The following PAM variants were observed in gnomAD, a reference collection of about 807,000 sequenced individuals.
The protein encoded by PAM is peptidylglycine alpha-amidating monooxygenase, also known as peptidyl-glycine alpha-amidating monooxygenase.
Under a neutral mutation model 122.1 loss-of-function variants are expected in PAM, and 72 were observed. The ratio of observed to expected loss-of-function variants is 0.59; its 90% CI spans 0.49 to 0.72. The LOEUF (loss-of-function observed/expected upper bound fraction) is 0.72, where lower values mean the gene tolerates loss of function less well. Ranked by LOEUF, PAM falls within the 30% of genes least tolerant of loss-of-function variation. PAM has a pLI of 0.00. For missense variants in PAM, 1,106 were observed against 1,183.7 expected (o/e 0.93, Z 0.96); for synonymous variants, 389 against 404.4 (o/e 0.96, Z 0.46).
At chr5:102,981,521 A>T (rs1562122844) in intron 15 of PAM, among the ~76,000 whole-genome samples, 1 of 152,046 alleles carries the variant, frequency 6.6e-6, no homozygotes, top group Non-Finnish European at 1.5e-5. Flanking sequence ...AATTGATACC[A>T]TAAACAAGTA....
intron 15 of PAM, among the ~76,000 whole-genome samples, chr5:102,984,562 A>G (rs560555355): frequency 1.3e-5 from 2 of 152,322 alleles, no homozygotes; most frequent in East Asian, 1.9e-4. Context: ...ATATATATGC[A>G]TATGCGTCAC....
chr5:102,999,162 C>T (rs1310068591), intron 16 of PAM, among the ~76,000 whole-genome samples: 1 of 152,184 alleles, frequency 6.6e-6, no homozygotes, highest in Non-Finnish European at 1.5e-5. Flanking sequence ...TTACTTTCTA[C>T]CAGGTCCCTC....
At chr5:102,811,644 C>G (rs2150200291) in intron 1 of PAM, among the ~76,000 whole-genome samples, 1 of 152,298 alleles carries the variant, frequency 6.6e-6, no homozygotes, top group South Asian at 2.1e-4. Flanking sequence ...CATTATTCTA[C>G]CCGCCATTGA....
chr5:102,795,206 AAAAAAAG>A (rs1763081272), intron 1 of PAM, among the ~76,000 whole-genome samples: 1 of 150,710 alleles, frequency 6.6e-6, no homozygotes, highest in East Asian at 1.9e-4. Context: ...AAAAAAAAAA[AAAAAAAG>A]AAGAGAAGAA....
Position 102,913,937 on chromosome 5 carries a change from A to G in PAM, c.272A>G (p.Asp91Gly), listed in dbSNP as rs201408910. 28 of 1,589,352 alleles carry G rather than the reference A, an allele frequency of 1.8e-5. No individual in the cohort carries two copies. The highest frequency in any genetic ancestry group is 2.2e-5 in the Non-Finnish European group (26 of 1,157,838). The change falls in exon 5 of 26, where the codon GAC (aspartate) becomes GGC (glycine). Residue 91 changes from aspartate (D) to glycine (G), a missense_variant. Coordinates refer to ENST00000438793, the MANE Select transcript of PAM (RefSeq NM_001177306.2). ...IPVDEEAFVI[D>G]FKPRASMDTV... ...ATGTATTATTTTCTCGTAACAGTTG[A>G]CTTCAAGCCTCGAGCCAGCATGGAT...
chr5:102,880,766 TGAA>T (rs139671930), intron 3 of PAM, among the ~76,000 whole-genome samples: 7,086 of 151,570 alleles, frequency 0.047, 340 homozygotes, highest in East Asian at 0.18. Context: ...ACTTAAGAAA[TGAA>T]GATAAATATT....
chr5:102,837,412 A>T (rs1405204813), intron 1 of PAM, among the ~76,000 whole-genome samples: 5 of 152,200 alleles, frequency 3.3e-5, no homozygotes, highest in African/African-American at 1.2e-4. Context: ...AGAGGCTAAC[A>T]CAGTGTCTGA....
intron 14 of PAM, among the ~76,000 whole-genome samples, chr5:102,973,130 A>G (rs984546969): frequency 6.6e-6 from 1 of 152,230 alleles, no homozygotes; most frequent in African/African-American, 2.4e-5. Flanking sequence ...CCATAGTCGT[A>G]AGTAATTTCA....
At chr5:102,879,866 A>G (rs1790410657) in intron 3 of PAM, among the ~76,000 whole-genome samples, 1 of 152,238 alleles carries the variant, frequency 6.6e-6, no homozygotes, top group African/African-American at 2.4e-5. Flanking sequence ...GTAATAGTCC[A>G]TACCATATAA....
intron 7 of PAM, among the ~76,000 whole-genome samples, chr5:102,942,083 C>A (rs1057212054): frequency 1.3e-5 from 2 of 151,450 alleles, no homozygotes; most frequent in Non-Finnish European, 2.9e-5. Flanking sequence ...TTTAAAAAAA[C>A]AACATGGCCC....
intron 1 of PAM, among the ~76,000 whole-genome samples, chr5:102,850,440 T>A (rs1295117434): frequency 6.6e-6 from 1 of 152,224 alleles, no homozygotes; most frequent in East Asian, 1.9e-4. Context: ...TTAACATTCT[T>A]TTTTCATGTA....
At chr5:102,929,754 C>A (rs1010215028) in intron 7 of PAM, among the ~76,000 whole-genome samples, 5 of 152,120 alleles carry the variant, frequency 3.3e-5, no homozygotes, top group African/African-American at 1.2e-4. Context: ...GAAGCCATAC[C>A]TGGGCATGTT....
chr5:102,809,416 G>C lies in PAM; in HGVS notation c.-374+54068G>C, dbSNP rs115713309. ...ACCCTTAAATTTAATGGAAGTGGTA[G>C]ATAACAGCAGTTTCTAATTAATTAA... On this transcript the variant is annotated intron_variant, in intron 1 of 25. Transcript: ENST00000438793. Among the ~76,000 whole-genome samples the C allele has an allele frequency of 6.9e-3, 1,047 of 151,048 alleles. 9 individuals carry two copies. The highest frequency in any genetic ancestry group is 0.013 in the Non-Finnish European group (875 of 67,760).
chr5:102,917,235 G>A (rs905900681), intron 5 of PAM, among the ~76,000 whole-genome samples: 2 of 152,096 alleles, frequency 1.3e-5, no homozygotes, highest in Admixed American at 1.3e-4. Flanking sequence ...TTTTCCAGCT[G>A]TTTAACATCT....
At chr5:102,908,718 A>G (rs1324116920) in intron 4 of PAM, among the ~76,000 whole-genome samples, 1 of 151,640 alleles carries the variant, frequency 6.6e-6, no homozygotes, top group Non-Finnish European at 1.5e-5. Context: ...AAAGTATAAT[A>G]ATAAAAGAAA....
At chr5:102,847,471 T>C (rs1376261350) in intron 1 of PAM, among the ~76,000 whole-genome samples, 1 of 152,152 alleles carries the variant, frequency 6.6e-6, no homozygotes, top group African/African-American at 2.4e-5. Context: ...AGAAGACAAC[T>C]TCAGTTATTT....
chr5:102,930,599 G>A (rs1034682254), intron 7 of PAM, among the ~76,000 whole-genome samples: 2 of 152,170 alleles, frequency 1.3e-5, no homozygotes, highest in Admixed American at 6.5e-5. Context: ...GGTCAAAGGT[G>A]GGGAGCAAGC....
intron 1 of PAM, among the ~76,000 whole-genome samples, chr5:102,795,682 T>A (rs922042746): frequency 1.3e-4 from 20 of 152,122 alleles, no homozygotes; most frequent in African/African-American, 4.3e-4. Context: ...GCTGCTGCCG[T>A]GTGGTTGGTG....
At chr5:102,927,201 C>T (rs1749863556) in intron 7 of PAM, among the ~76,000 whole-genome samples, 1 of 152,186 alleles carries the variant, frequency 6.6e-6, no homozygotes, top group South Asian at 2.1e-4. Context: ...TGAACACTCC[C>T]CTAGACACCT....
Sources: gnomAD v4.1 joint callset for allele counts (sites outside exome capture counted in the v4.1 genomes callset) on GRCh38, gnomAD v4.1.1 for gene constraint, MANE v1.5 for transcripts, NCBI Gene and HGNC (gene_info 2026-07-23, HGNC 2026-07-21) for gene names.